The following GRIA3 variants were observed in gnomAD, a reference collection of about 807,000 sequenced individuals.
GRIA3 encodes the protein glutamate receptor 3.
A neutral mutation model predicts 63.0 loss-of-function variants in GRIA3; 3 were observed. That is an observed-to-expected ratio of 0.05 (90% CI 0.02 to 0.12). The LOEUF is 0.12. GRIA3 is among the 10% of genes least tolerant of loss of function. The pLI is 1.00. For missense variants in GRIA3, 347 were observed against 700.9 expected, an observed-to-expected ratio of 0.50 and a Z score of 5.70; for synonymous variants, 274 against 257.9, an observed-to-expected ratio of 1.06 and a Z score of -0.60.
At chrX:123,320,738 G>A in intron 3 of GRIA3, among the ~76,000 whole-genome samples, 1 of 112,113 alleles carries the variant, frequency 8.9e-6, no homozygotes, top group Non-Finnish European at 1.9e-5. Flanking sequence ...TTGCTTACAG[G>A]GTCAATACTA....
chrX:123,435,226 G>C (rs772528535), intron 12 of GRIA3, among the ~76,000 whole-genome samples: 14 of 112,123 alleles, frequency 1.2e-4, no homozygotes, highest in Middle Eastern at 4.2e-3. Flanking sequence ...TAGCAGCAGG[G>C]TTAATGATTC....
chrX:123,215,153 A>C (rs183430115), intron 2 of GRIA3, among the ~76,000 whole-genome samples: 91 of 112,254 alleles, frequency 8.1e-4, no homozygotes, highest in Non-Finnish European at 1.5e-3. Context: ...TTGCCCATAC[A>C]TAACTGGGAT....
chrX:123,428,177 A>G, intron 12 of GRIA3, 38 bp downstream of exon 12: 1 of 919,231 alleles, frequency 1.1e-6, no homozygotes. Flanking sequence ...GCTGATATTT[A>G]TTTTATCATC....
At position 123,483,060 on chromosome X, in the gene GRIA3, C is replaced by A. The variant is rs1271795409; in HGVS notation, c.*2+14C>A. 1.7e-6 allele frequency: 2 copies of A among 1,156,766 alleles called. No homozygotes were observed. The highest frequency in any genetic ancestry group is 2.4e-6 in the Non-Finnish European group (2 of 846,840). On this transcript the variant is annotated intron_variant, in intron 15 of 15. Transcript: ENST00000620443. ...TAAGATCTAGGGGTACGGTTAAGGT[C>A]TAGTAAACTAATCAGCTTTACTTTA...
intron 2 of GRIA3, among the ~76,000 whole-genome samples, chrX:123,231,384 C>A (rs2044275401): frequency 9.0e-6 from 1 of 111,175 alleles, no homozygotes; most frequent in South Asian, 3.8e-4. Context: ...AGCTCTGGGA[C>A]TAGAATCCAG....
chrX:123,403,597 G>C, intron 9 of GRIA3, 78 bp downstream of exon 9: 1 of 658,583 alleles, frequency 1.5e-6, no homozygotes, highest in Non-Finnish European at 2.5e-6. Context: ...TCCACCAGTA[G>C]AAAAGACCTC....
rs368353568 is a variant in GRIA3, at chrX:123,305,964, C to T, written c.509-20062C>T. Among the ~76,000 whole-genome samples, 18 of 111,728 alleles carry T rather than the reference C, an allele frequency of 1.6e-4. No individual in the cohort carries two copies. In the East Asian group the frequency reaches 4.8e-3, roughly 30 times the overall value. On this transcript the variant is annotated intron_variant, in intron 3 of 15. Coordinates refer to ENST00000620443, the MANE Select transcript of GRIA3 (RefSeq NM_007325.5). ...GGGTAGACTAAATGGTCTATTGAGA[C>T]TTCCACTTGCTCTATCATTCTGTTA...
chrX:123,487,255 A>G (rs763808693), intron 15 of GRIA3, among the ~76,000 whole-genome samples: 5 of 113,088 alleles, frequency 4.4e-5, no homozygotes, highest in East Asian at 2.8e-4. Context: ...TCCTAATTGC[A>G]GTTCAGAAGT....
intron 3 of GRIA3, among the ~76,000 whole-genome samples, chrX:123,300,302 T>G (rs748608530): frequency 9.3e-6 from 1 of 107,367 alleles, no homozygotes; most frequent in South Asian, 4.3e-4. Context: ...GTTGGAATGG[T>G]TCCAGCTCTT....
chrX:123,489,627 T>C lies in GRIA3; in HGVS notation c.*917T>C, dbSNP rs1267361404. ...TTTTAAGTCAATAGAGCTGAGTATC[T>C]AGCATTGAGGTGAGGGAAATGCTGC... On this transcript the variant is annotated 3_prime_UTR_variant, in exon 16 of 16. Coordinates refer to ENST00000620443, the MANE Select transcript of GRIA3 (RefSeq NM_007325.5). The C allele has an allele frequency of 8.9e-6, 1 of 112,186 alleles. No homozygotes were observed. Among genetic ancestry groups the C allele is most frequent in the East Asian group, 2.8e-4 (1 of 3,573 alleles). 9.2% of individuals were successfully genotyped at this position (112,186 alleles called of 1,213,427 possible). A position where few individuals can be genotyped will look rare whatever the true frequency, so the allele number is the denominator to read the frequency against.
intron 13 of GRIA3, among the ~76,000 whole-genome samples, chrX:123,479,621 C>T (rs2045903101): frequency 8.9e-6 from 1 of 112,318 alleles, no homozygotes; most frequent in Non-Finnish European, 1.9e-5. Flanking sequence ...AATATGGAAA[C>T]ACTTCCCCTT....
chrX:123,241,304 A>C (rs2044328395), intron 2 of GRIA3, among the ~76,000 whole-genome samples: 1 of 111,100 alleles, frequency 9.0e-6, no homozygotes, highest in South Asian at 3.8e-4. Context: ...TAAAAAGCAA[A>C]AGTCTATATT....
In GRIA3 at chrX:123,312,309, A is replaced by G. The variant is rs181785907; in HGVS notation, c.509-13717A>G. Among the ~76,000 whole-genome samples, 560 of 112,418 alleles carry G rather than the reference A, an allele frequency of 5.0e-3. 6 individuals carry two copies. Among genetic ancestry groups the G allele is most frequent in the African/African-American group, 0.017 (535 of 30,940 alleles). On this transcript the variant is annotated intron_variant, in intron 3 of 15. Transcript: ENST00000620443. ...TAGCCTAAGATTCTCAGGCTAATAG[A>G]AGATGGATGTGAGAGCTCGGAATCT...
intron 5 of GRIA3, among the ~76,000 whole-genome samples, chrX:123,360,873 A>T (rs1295018638): frequency 1.1e-4 from 11 of 101,122 alleles, no homozygotes; most frequent in African/African-American, 4.0e-4. Flanking sequence ...ACACACACAC[A>T]CACACACACA....
At chrX:123,258,860 C>T (rs924328410) in intron 3 of GRIA3, among the ~76,000 whole-genome samples, 4 of 112,044 alleles carry the variant, frequency 3.6e-5, no homozygotes, top group African/African-American at 9.7e-5. Context: ...TATTTCCTCT[C>T]GAAGGTTGTG....
chrX:123,327,192 G>C (rs1354225051), intron 4 of GRIA3, among the ~76,000 whole-genome samples: 2 of 111,269 alleles, frequency 1.8e-5, no homozygotes, highest in Non-Finnish European at 3.8e-5. Flanking sequence ...TGAGAAAAAT[G>C]TTTATGCTTT....
rs149400147 is a variant in GRIA3, at chrX:123,294,175, A to G, written c.509-31851A>G. 1.9e-4 allele frequency among the ~76,000 whole-genome samples: 21 copies of G among 110,893 alleles called. No individual in the cohort carries two copies. In the East Asian group the frequency reaches 2.6e-3, roughly 13 times the overall value. On this transcript the variant is annotated intron_variant, in intron 3 of 15. Transcript: ENST00000620443. ...GTTTGGTACTGTTATTATTATCCCT[A>G]TTTTGAAGATGAAGAAACTGAGGCA...
chrX:123,423,672 T>C (rs1307719879), intron 11 of GRIA3, among the ~76,000 whole-genome samples: 1 of 111,581 alleles, frequency 9.0e-6, no homozygotes, highest in African/African-American at 3.3e-5. Flanking sequence ...ATAGAAATGA[T>C]GCATACTTTG....
intron 3 of GRIA3, among the ~76,000 whole-genome samples, chrX:123,319,816 G>GAA (rs35660016): frequency 2.7e-3 from 193 of 70,275 alleles, no homozygotes; most frequent in East Asian, 0.018. Context: ...AACACCTCAG[G>GAA]AAAAAAAAAA....
Sources: gnomAD v4.1 joint callset for allele counts (sites outside exome capture counted in the v4.1 genomes callset) on GRCh38, gnomAD v4.1.1 for gene constraint, MANE v1.5 for transcripts, NCBI Gene and HGNC (gene_info 2026-07-23, HGNC 2026-07-21) for gene names.